ASIC2: variants seen among roughly 807,000 people sequenced by gnomAD.
The protein encoded by ASIC2 is acid-sensing ion channel 2.
ASIC2 carries 25 observed loss-of-function variants against 57.3 expected under a neutral mutation model. That is an observed-to-expected ratio of 0.44 (90% confidence interval 0.32 to 0.61). ASIC2 has a LOEUF of 0.61. Among genes scored for constraint, ASIC2 ranks in the 20% least tolerant of loss-of-function variants. ASIC2 has a pLI of 0.06. For synonymous variants in ASIC2, 319 were observed against 307.5 expected, an observed-to-expected ratio of 1.04 and a Z score of -0.39; for missense variants, 641 against 738.1, an observed-to-expected ratio of 0.87 and a Z score of 1.52.
chr17:33,120,106 T>G (rs1277700803), intron 1 of ASIC2, among the ~76,000 whole-genome samples: 1 of 152,206 alleles, frequency 6.6e-6, no homozygotes, highest in Non-Finnish European at 1.5e-5. Flanking sequence ...GTTTGCCTGA[T>G]TTTTCCCTTC....
At chr17:33,343,800 C>T (rs879929111) in intron 1 of ASIC2, among the ~76,000 whole-genome samples, 2 of 152,196 alleles carry the variant, frequency 1.3e-5, no homozygotes, top group Non-Finnish European at 2.9e-5. Flanking sequence ...TATCACTACC[C>T]CCAATCTGCT....
chr17:33,405,776 C>T (rs370567270), intron 1 of ASIC2, among the ~76,000 whole-genome samples: 1 of 152,082 alleles, frequency 6.6e-6, no homozygotes, highest in East Asian at 1.9e-4. Context: ...GCCACCACAC[C>T]GGGCCAAGAC....
intron 1 of ASIC2, among the ~76,000 whole-genome samples, chr17:34,105,351 G>GT (rs1461891432): frequency 6.6e-6 from 1 of 151,054 alleles, no homozygotes; most frequent in Non-Finnish European, 1.5e-5. Context: ...TCCTGTTTTT[G>GT]TTTTTTGGTC....
chr17:34,147,943 G>C (rs547244323), intron 1 of ASIC2, among the ~76,000 whole-genome samples: 1 of 152,286 alleles, frequency 6.6e-6, no homozygotes, highest in South Asian at 2.1e-4. Flanking sequence ...GTCTTTGGGA[G>C]ATTTTTTAAT....
intron 1 of ASIC2, among the ~76,000 whole-genome samples, chr17:33,543,232 C>G (rs913139299): frequency 2.0e-5 from 3 of 151,276 alleles, no homozygotes; most frequent in African/African-American, 7.3e-5. Flanking sequence ...CACATGTATA[C>G]ATATGTAACT....
At chr17:34,065,584 T>C (rs1440675741) in intron 1 of ASIC2, among the ~76,000 whole-genome samples, 2 of 152,208 alleles carry the variant, frequency 1.3e-5, no homozygotes, top group Admixed American at 6.5e-5. Flanking sequence ...CCTTTCTTTA[T>C]GTGGCTTCCA....
At chr17:33,507,718 G>A (rs1259359139) in intron 1 of ASIC2, among the ~76,000 whole-genome samples, 2 of 152,170 alleles carry the variant, frequency 1.3e-5, no homozygotes, top group Non-Finnish European at 2.9e-5. Flanking sequence ...CTTGGCTAAC[G>A]TGGTGAAACC....
intron 1 of ASIC2, among the ~76,000 whole-genome samples, chr17:33,448,892 A>G (rs746521364): frequency 6.6e-6 from 1 of 152,190 alleles, no homozygotes; most frequent in Non-Finnish European, 1.5e-5. Flanking sequence ...CTGTAGGGAA[A>G]ACTTTGAACC....
intron 1 of ASIC2, among the ~76,000 whole-genome samples, chr17:33,679,688 G>T (rs1330729983): frequency 6.6e-6 from 1 of 152,182 alleles, no homozygotes; most frequent in East Asian, 1.9e-4. Flanking sequence ...TCCTGAGAAG[G>T]TCCTTTAAGA....
chr17:33,865,937 A>T (rs1483623008), intron 1 of ASIC2, among the ~76,000 whole-genome samples: 1 of 151,816 alleles, frequency 6.6e-6, no homozygotes. Context: ...TTCTCTTCAA[A>T]GGTAACTATT....
intron 1 of ASIC2, among the ~76,000 whole-genome samples, chr17:33,624,359 G>C (rs749161079): frequency 1.2e-4 from 18 of 152,268 alleles, no homozygotes; most frequent in Admixed American, 2.6e-4. Context: ...TCTGTCGGGA[G>C]GTCACCTGGT....
chr17:33,745,750 A>C (rs1910241094), intron 1 of ASIC2, among the ~76,000 whole-genome samples: 1 of 152,198 alleles, frequency 6.6e-6, no homozygotes, highest in Admixed American at 6.5e-5. Flanking sequence ...CTGATAAATA[A>C]AAATTGAGAG....
intron 1 of ASIC2, among the ~76,000 whole-genome samples, chr17:33,993,493 CTCT>C (rs1906063317): frequency 6.6e-6 from 1 of 152,240 alleles, no homozygotes; most frequent in Non-Finnish European, 1.5e-5. Context: ...CAAATACTGC[CTCT>C]TCTTTGAAGT....
At chr17:33,312,656 C>A (rs1209515487) in intron 1 of ASIC2, among the ~76,000 whole-genome samples, 2 of 152,102 alleles carry the variant, frequency 1.3e-5, no homozygotes, top group South Asian at 2.1e-4. Flanking sequence ...CAGTGTGGGC[C>A]AGGTGCGGTG....
At chr17:33,789,464 T>TCTCACACACACACACA (rs145766933) in intron 1 of ASIC2, among the ~76,000 whole-genome samples, 52 of 144,510 alleles carry the variant, frequency 3.6e-4, no homozygotes, top group Admixed American at 1.0e-3. Flanking sequence ...AGAATCATGG[T>TCTCACACACACACACA]CACACACACA....
At chr17:33,773,450 G>C (rs1337515412) in intron 1 of ASIC2, among the ~76,000 whole-genome samples, 1 of 152,040 alleles carries the variant, frequency 6.6e-6, no homozygotes, top group Non-Finnish European at 1.5e-5. Flanking sequence ...TATGTGGCGG[G>C]GCAGGTTTGG....
chr17:33,928,784 G>A (rs1384424878), intron 1 of ASIC2, among the ~76,000 whole-genome samples: 2 of 152,164 alleles, frequency 1.3e-5, no homozygotes, highest in East Asian at 1.9e-4. Context: ...CACAGATGGA[G>A]GAGGGGATGT....
chr17:33,879,697 G>A (rs1036596824), intron 1 of ASIC2, among the ~76,000 whole-genome samples: 2 of 152,170 alleles, frequency 1.3e-5, no homozygotes, highest in African/African-American at 4.8e-5. Context: ...ACACATCAAC[G>A]AGACAGAAAG....
intron 1 of ASIC2, among the ~76,000 whole-genome samples, chr17:33,194,565 T>C (rs973302761): frequency 2.0e-5 from 3 of 152,232 alleles, no homozygotes; most frequent in African/African-American, 7.2e-5. Context: ...GATCTATACA[T>C]GAAATCTTGG....
Sources: gnomAD v4.1 joint callset for allele counts (sites outside exome capture counted in the v4.1 genomes callset) on GRCh38, gnomAD v4.1.1 for gene constraint, MANE v1.5 for transcripts, NCBI Gene and HGNC (gene_info 2026-07-23, HGNC 2026-07-21) for gene names.